The following ASTN1 variants were observed in gnomAD, a reference collection of about 807,000 sequenced individuals.
ASTN1 encodes the protein astrotactin 1.
In ASTN1, 41 loss-of-function variants were observed where a neutral mutation model predicts 140.7. The observed-to-expected ratio is 0.29, with a 90% confidence interval of 0.23 to 0.38. ASTN1 has a LOEUF of 0.38. Among genes scored for constraint, ASTN1 ranks in the 10% least tolerant of loss-of-function variants. The pLI is 1.00. For missense variants in ASTN1, 1,479 were observed against 1,678.8 expected (o/e 0.88, Z 2.08); for synonymous variants, 640 against 652.2 (o/e 0.98, Z 0.29).
chr1:176,868,684 A>G, intron 22 of ASTN1, 160 bp downstream of exon 22: 2 of 683,652 alleles, frequency 2.9e-6, no homozygotes, highest in Admixed American at 7.9e-5. Flanking sequence ...ATCCAAAACT[A>G]ATCTGCATGG....
intron 20 of ASTN1, among the ~76,000 whole-genome samples, chr1:176,880,412 G>A (rs1668747990): frequency 1.3e-5 from 2 of 152,006 alleles, no homozygotes; most frequent in South Asian, 4.2e-4. Flanking sequence ...GCTGTCACAC[G>A]TCCGGAAAGA....
chr1:176,876,539 T>C lies in ASTN1; in HGVS notation c.3461A>G (p.Gln1154Arg), dbSNP rs1186372639. 1 of 1,614,136 alleles carries C rather than the reference T, an allele frequency of 6.2e-7. No homozygotes were observed. Among genetic ancestry groups the C allele is most frequent in the South Asian group, 1.1e-5 (1 of 91,082 alleles). The change falls in exon 21 of 23, where the codon CAA becomes CGA. Residue 1154 changes from glutamine to arginine, a missense_variant and splice_region_variant. Around this residue, in one of 3 missense-constraint regions of ASTN1, gnomAD observed 746 missense variants for 800.9 expected, o/e 0.93. Coordinates refer to ENST00000361833, the MANE Select transcript of ASTN1 (RefSeq NM_004319.3). ...PCPVVDDVKA[Q>R]EIADKIYNLF... Reference sequence around the variant, plus strand: ...CTGCTAACTTCGATGTCTCTTACCTTGAGCCTTGACATCATCCACCACGGG... The same window carrying C: ...CTGCTAACTTCGATGTCTCTTACCTCGAGCCTTGACATCATCCACCACGGG...
Position 176,894,639 on chromosome 1 carries a change from G to C in ASTN1, c.2863C>G (p.Pro955Ala). 6 of 1,614,122 alleles carry C rather than the reference G, an allele frequency of 3.7e-6. 1 individual carries two copies. The highest frequency in any genetic ancestry group is 8.5e-7 in the Non-Finnish European group (1 of 1,180,032). The change falls in exon 17 of 23, where the codon CCT becomes GCT. Residue 955 changes from proline (P) to alanine (A), a missense_variant. Physicochemically the swap from Pro to Ala is conservative, Grantham distance 27. Transcript: ENST00000361833. ...ACCTCCAGCAGAACCGGCTCAGCAG[G>C]GGTGTCAGGGCTGGATGTCACATGA... Reference protein sequence around the residue: ...LCHVTSSPDTPAEPVLLEVTK... With the variant: ...LCHVTSSPDTAAEPVLLEVTK...
intron 8 of ASTN1, among the ~76,000 whole-genome samples, chr1:177,013,531 T>A (rs893195470): frequency 1.3e-5 from 2 of 152,144 alleles, no homozygotes; most frequent in African/African-American, 2.4e-5. Flanking sequence ...TGTCACCATA[T>A]TTATTGCTTT....
intron 8 of ASTN1, among the ~76,000 whole-genome samples, chr1:176,971,336 G>C (rs1461999551): frequency 1.3e-5 from 2 of 152,134 alleles, no homozygotes; most frequent in African/African-American, 4.8e-5. Context: ...ATCATTACTA[G>C]TTCTGGGAAA....
chr1:176,994,695 C>G (rs992176523), intron 8 of ASTN1, among the ~76,000 whole-genome samples: 1 of 152,152 alleles, frequency 6.6e-6, no homozygotes, highest in Non-Finnish European at 1.5e-5. Context: ...TTCTAGGGTA[C>G]TTCAGCTAAA....
intron 16 of ASTN1, among the ~76,000 whole-genome samples, chr1:176,918,161 C>T (rs540423948): frequency 1.3e-5 from 2 of 152,002 alleles, no homozygotes; most frequent in Admixed American, 6.6e-5. Flanking sequence ...GTCTTCTTTG[C>T]GGCACCCCCT....
chr1:177,022,866 A>C (rs1675898169), intron 7 of ASTN1, among the ~76,000 whole-genome samples: 1 of 152,230 alleles, frequency 6.6e-6, no homozygotes, highest in Non-Finnish European at 1.5e-5. Context: ...ATTCTGGAAA[A>C]GTTATGATGG....
chr1:177,063,136 T>C (rs1678180412), intron 1 of ASTN1, among the ~76,000 whole-genome samples: 1 of 152,142 alleles, frequency 6.6e-6, no homozygotes, highest in Non-Finnish European at 1.5e-5. Context: ...TATCAGCTGG[T>C]CCGCTAAGGG....
At chr1:177,049,473 C>G (rs766802606) in intron 2 of ASTN1, among the ~76,000 whole-genome samples, 7 of 152,018 alleles carry the variant, frequency 4.6e-5, no homozygotes, top group Non-Finnish European at 7.4e-5. Flanking sequence ...TAAAAATATG[C>G]CAATAAAACA....
At chr1:176,978,284 G>C (rs1673451788) in intron 8 of ASTN1, among the ~76,000 whole-genome samples, 1 of 152,210 alleles carries the variant, frequency 6.6e-6, no homozygotes, top group Admixed American at 6.5e-5. Flanking sequence ...GGTAGCGAAT[G>C]GGGAGCCACT....
intron 1 of ASTN1, among the ~76,000 whole-genome samples, chr1:177,079,771 A>C (rs1044199421): frequency 2.8e-4 from 42 of 152,108 alleles, no homozygotes; most frequent in African/African-American, 9.9e-4. Context: ...CCACACCCCC[A>C]CTGAAAAGAT....
chr1:177,034,549 C>G (rs1676616576), intron 2 of ASTN1, among the ~76,000 whole-genome samples: 1 of 152,148 alleles, frequency 6.6e-6, no homozygotes, highest in Non-Finnish European at 1.5e-5. Flanking sequence ...CACCTCCACT[C>G]CCATCCATCC....
At chr1:177,089,414 T>C (rs1679634239) in intron 1 of ASTN1, among the ~76,000 whole-genome samples, 1 of 152,058 alleles carries the variant, frequency 6.6e-6, no homozygotes. Context: ...AGCTATAACT[T>C]GAGGGGGAGG....
chr1:177,017,604 T>C (rs1011185731), intron 7 of ASTN1, among the ~76,000 whole-genome samples: 3 of 152,194 alleles, frequency 2.0e-5, no homozygotes, highest in Non-Finnish European at 4.4e-5. Flanking sequence ...CTGTGACAGA[T>C]GGTGGGAACG....
At chr1:176,917,408 A>C (rs1179927158) in intron 16 of ASTN1, among the ~76,000 whole-genome samples, 1 of 152,132 alleles carries the variant, frequency 6.6e-6, no homozygotes, top group East Asian at 1.9e-4. Flanking sequence ...ATTGACTAGT[A>C]ATAATAAAAC....
chr1:176,944,770 G>T (rs114878303), intron 13 of ASTN1, among the ~76,000 whole-genome samples: 1 of 152,086 alleles, frequency 6.6e-6, no homozygotes, highest in Admixed American at 6.6e-5. Flanking sequence ...ACCTCCTCTC[G>T]ACAAGATCTA....
chr1:176,874,438 T>C (rs961182164), intron 21 of ASTN1, among the ~76,000 whole-genome samples: 6 of 152,224 alleles, frequency 3.9e-5, no homozygotes, highest in African/African-American at 1.2e-4. Context: ...GGGAAGGGCT[T>C]CAGTCTTTGA....
At chr1:177,144,456 G>A (rs914400092) in intron 1 of ASTN1, among the ~76,000 whole-genome samples, 2 of 150,804 alleles carry the variant, frequency 1.3e-5, no homozygotes, top group Admixed American at 1.3e-4. Context: ...GTTTCACCGT[G>A]TTAGCCAGGA....
Sources: gnomAD v4.1 joint callset for allele counts (sites outside exome capture counted in the v4.1 genomes callset) on GRCh38, gnomAD v4.1.1 for gene constraint, gnomAD v4.1.1 regional missense constraint, MANE v1.5 for transcripts, NCBI Gene and HGNC (gene_info 2026-07-23, HGNC 2026-07-21) for gene names.